Variants in ALS2 observed in about 807,000 individuals in gnomAD.
ALS2 encodes the protein alsin.
Under a neutral mutation model 203.4 loss-of-function variants are expected in ALS2, and 117 were observed. The ratio of observed to expected loss-of-function variants is 0.58; its 90% CI spans 0.50 to 0.67. ALS2 has a LOEUF of 0.67. Among genes scored for constraint, ALS2 ranks in the 30% least tolerant of loss-of-function variants. The probability of loss-of-function intolerance (pLI) is 0.00; values close to 1 mark genes in which losing one functional copy is unlikely to be tolerated. For synonymous variants in ALS2, 718 were observed against 725.9 expected (o/e 0.99, Z 0.17); for missense variants, 1,715 against 1,989.4 (o/e 0.86, Z 2.62).
At position 201,704,620 on chromosome 2, in the gene ALS2, G is replaced by A; in HGVS notation, c.4689-17C>T. 6.2e-7 allele frequency: 1 copy of A among 1,613,808 alleles called. No homozygotes were observed. The highest frequency in any genetic ancestry group is 8.5e-7 in the Non-Finnish European group (1 of 1,179,838). On this transcript the variant is annotated splice_polypyrimidine_tract_variant and intron_variant, in intron 31 of 33. Coordinates refer to ENST00000264276, the MANE Select transcript of ALS2 (RefSeq NM_020919.4). The stretch of plus-strand genomic sequence containing the variant: ...AATGTTGTGCTGTTACAGAAACAAT[G>A]ACAAAAAGACATCCTATAATTTTCT...
intron 1 of ALS2, among the ~76,000 whole-genome samples, chr2:201,780,472 CCA>C (rs1171944734): frequency 6.6e-6 from 1 of 152,208 alleles, no homozygotes; most frequent in African/African-American, 2.4e-5. Flanking sequence ...GCCACGGACC[CCA>C]GTTTATCAGC....
At position 201,753,201 on chromosome 2, in the gene ALS2, ACTT is replaced by A; in HGVS notation, c.1679_1681del (p.Glu560del). On this transcript the variant is annotated inframe_deletion, in exon 7 of 34. Transcript: ENST00000264276. ...GTAACCACCTGCCTCCAGATGGATTACTTCTTTGCCATCCAGACATTTTACACA... is the reference window on the plus strand; with the variant it reads ...GTAACCACCTGCCTCCAGATGGATTACTTTGCCATCCAGACATTTTACACA... 6.2e-7 allele frequency: 1 copy of A among 1,614,166 alleles called. No homozygotes were observed. Among genetic ancestry groups the A allele is most frequent in the Non-Finnish European group, 8.5e-7 (1 of 1,180,002 alleles).
intron 21 of ALS2, 84 bp downstream of exon 21, chr2:201,724,211 C>A: frequency 6.9e-7 from 1 of 1,446,822 alleles, no homozygotes; most frequent in Non-Finnish European, 9.6e-7. Flanking sequence ...ATGAAAAAGA[C>A]AAAATAAGTA....
intron 27 of ALS2, 122 bp downstream of exon 27, chr2:201,709,755 TTTAC>T: frequency 8.5e-7 from 1 of 1,171,384 alleles, no homozygotes; most frequent in Non-Finnish European, 1.3e-6. Context: ...TAAAACATGT[TTTAC>T]TTAATCTATT....
chr2:201,733,485 T>C, intron 12 of ALS2, 47 bp from the exon 13 acceptor site: 2 of 1,540,026 alleles, frequency 1.3e-6, no homozygotes, highest in African/African-American at 1.4e-5. Flanking sequence ...TTGGAATTGG[T>C]AATATGTACA....
rs755958718 is a variant in ALS2, at chr2:201,711,101, T to C, written c.4012A>G (p.Ile1338Val). Residue 1338 changes from isoleucine to valine, a missense_variant, in exon 26 of 34, where the codon ATA becomes GTA. Ile to Val is a conservative substitution (Grantham distance 29). Coordinates refer to ENST00000264276, the MANE Select transcript of ALS2 (RefSeq NM_020919.4). ...SRRQHRDSPE[I>V]LSRSQTQTLE... ...GTCTGAGTCTGTGAACGACTCAGTA[T>C]TTCTGGACTATAAAAAGGGAAAGAA... The C allele has an allele frequency of 6.3e-7, 1 of 1,578,512 alleles. No homozygotes were observed. The highest frequency in any genetic ancestry group is 8.7e-7 in the Non-Finnish European group (1 of 1,148,110).
chr2:201,720,124 T>A, intron 23 of ALS2: 1 of 437,502 alleles, frequency 2.3e-6, no homozygotes, highest in South Asian at 1.6e-5. Context: ...GAGGCCAGAA[T>A]TATCCTGATA....
At chr2:201,738,976 C>G (rs1692065410) in intron 11 of ALS2, among the ~76,000 whole-genome samples, 1 of 152,018 alleles carries the variant, frequency 6.6e-6, no homozygotes, top group African/African-American at 2.4e-5. Context: ...CATTGGCTCA[C>G]ACCTGTAATC....
Position 201,707,039 on chromosome 2 carries a change from T to C in ALS2, c.4404-17A>G, listed in dbSNP as rs755115415. The C allele has an allele frequency of 5.6e-6, 9 of 1,606,724 alleles. No individual in the cohort carries two copies. In the South Asian group the frequency reaches 1.0e-4, roughly 18 times the overall value. ...ACTACATAACTACAAAATAATGGAG[T>C]GGGAGAAAAGGAGCATTTTTCATAT... On this transcript the variant is annotated splice_polypyrimidine_tract_variant and intron_variant, in intron 28 of 33. Transcript: ENST00000264276.
chr2:201,779,866 A>C (rs1460036525), intron 1 of ALS2: 2 of 152,134 alleles, frequency 1.3e-5, no homozygotes, highest in Non-Finnish European at 1.5e-5. Context: ...TACTGCAAAA[A>C]ATTTTTCACT....
intron 1 of ALS2, among the ~76,000 whole-genome samples, chr2:201,771,236 G>A (rs1489147089): frequency 6.6e-6 from 1 of 151,766 alleles, no homozygotes; most frequent in Admixed American, 6.6e-5. Flanking sequence ...TAGTAGAGAC[G>A]GGGTTTCACC....
Position 201,761,592 on chromosome 2 carries a change from T to C in ALS2, c.402A>G (p.Pro134=). The C allele has an allele frequency of 1.2e-6, 2 of 1,614,224 alleles. No homozygotes were observed. Among genetic ancestry groups the C allele is most frequent in the Non-Finnish European group, 8.5e-7 (1 of 1,180,036 alleles). ...AVANQQYVPE[P]NPVSIADSEA... Reference sequence around the variant, plus strand: ...CAGAATCAGCAATGCTGACAGGATTTGGTTCCGGCACATACTGCTGGTTGG... The same window carrying C: ...CAGAATCAGCAATGCTGACAGGATTCGGTTCCGGCACATACTGCTGGTTGG... The change falls in exon 4 of 34, where the codon CCA becomes CCG. Residue 134 remains proline, a synonymous_variant. Transcript: ENST00000264276.
At chr2:201,719,657 C>T (rs2105990515) in intron 23 of ALS2, among the ~76,000 whole-genome samples, 1 of 152,052 alleles carries the variant, frequency 6.6e-6, no homozygotes, top group Non-Finnish European at 1.5e-5. Flanking sequence ...GCCTTTTTGC[C>T]CTTCCATCTT....
At chr2:201,740,143 A>G (rs1410446424) in intron 11 of ALS2, among the ~76,000 whole-genome samples, 1 of 151,894 alleles carries the variant, frequency 6.6e-6, no homozygotes. Context: ...TGGGCAACAT[A>G]GTGAGACCCC....
intron 7 of ALS2, among the ~76,000 whole-genome samples, chr2:201,752,110 T>C (rs971591760): frequency 3.9e-5 from 6 of 152,194 alleles, no homozygotes; most frequent in Non-Finnish European, 8.8e-5. Flanking sequence ...AATATTACAC[T>C]GGAATATTTT....
At chr2:201,706,535 T>TTATATATATATATATATA (rs34345642) in intron 29 of ALS2, among the ~76,000 whole-genome samples, 7 of 143,846 alleles carry the variant, frequency 4.9e-5, no homozygotes, top group South Asian at 2.2e-4. Flanking sequence ...AGCTCACACT[T>TTATATATATATATATATA]TATATATATA....
intron 4 of ALS2, chr2:201,760,331 A>G (rs1693683233): frequency 1.0e-6 from 1 of 985,026 alleles, no homozygotes; most frequent in African/African-American, 1.7e-5. Context: ...AAACAAAAAG[A>G]TAAAATATTA....
At chr2:201,755,970 G>A (rs1186834890) in intron 5 of ALS2, among the ~76,000 whole-genome samples, 2 of 152,014 alleles carry the variant, frequency 1.3e-5, no homozygotes, top group Non-Finnish European at 2.9e-5. Flanking sequence ...TGAATGTATC[G>A]TTTCTATGCA....
chr2:201,722,056 A>G (rs1211337746), intron 23 of ALS2: 2 of 152,236 alleles, frequency 1.3e-5, no homozygotes, highest in Non-Finnish European at 2.9e-5. Context: ...CACTATTAAG[A>G]AAATAAAAGA....
Sources: allele counts gnomAD v4.1 joint callset (sites outside exome capture counted in the v4.1 genomes callset), GRCh38; gene constraint gnomAD v4.1.1; transcripts MANE v1.5; gene names NCBI Gene and HGNC (gene_info 2026-07-23, HGNC 2026-07-21).